NEBL: variants seen among roughly 807,000 people sequenced by gnomAD.
The protein encoded by NEBL is nebulette.
Under a neutral mutation model 140.2 loss-of-function variants are expected in NEBL, and 122 were observed. That is an observed-to-expected ratio of 0.87 (90% CI 0.75 to 1.01). The LOEUF (loss-of-function observed/expected upper bound fraction) is 1.01, where lower values mean the gene tolerates loss of function less well. Ranked by LOEUF, NEBL falls within the 50% of genes least tolerant of loss-of-function variation. The pLI, the probability that NEBL is intolerant of heterozygous loss-of-function variation, is 0.00. For missense variants in NEBL, 1,365 were observed against 1,231.3 expected (o/e 1.11, Z -1.62); for synonymous variants, 436 against 398.9 (o/e 1.09, Z -1.11).
At chr10:21,018,796 G>C (rs1391356760) in intron 3 of NEBL, among the ~76,000 whole-genome samples, 1 of 152,172 alleles carries the variant, frequency 6.6e-6, no homozygotes, top group South Asian at 2.1e-4. Flanking sequence ...TTGGGAGGCC[G>C]AGGCAGGTGG....
intron 1 of NEBL, among the ~76,000 whole-genome samples, chr10:21,259,665 G>T (rs1018047028): frequency 6.6e-6 from 1 of 152,152 alleles, no homozygotes. Context: ...TTGTGTTTGG[G>T]GTGGATTGGC....
In NEBL at chr10:20,967,430, C is replaced by A. The variant is rs182684818; in HGVS notation, c.250-5651G>T. Reference sequence around the variant, plus strand: ...ATCACTTGAGGTCAGGAGTTTGAGACCAGCCTGGCCAACATGGCCAAACCC... The same window carrying A: ...ATCACTTGAGGTCAGGAGTTTGAGAACAGCCTGGCCAACATGGCCAAACCC... On this transcript the variant is annotated intron_variant, in intron 3 of 6. Coordinates refer to the NEBL transcript ENST00000417816. Among the ~76,000 whole-genome samples, 7 of 152,224 alleles carry A rather than the reference C, an allele frequency of 4.6e-5. No homozygotes were observed. The East Asian group carries it at 5.8e-4, about 13-fold the overall frequency.
intron 7 of NEBL, among the ~76,000 whole-genome samples, chr10:20,863,056 T>C (rs962232065): frequency 2.0e-5 from 3 of 152,142 alleles, no homozygotes; most frequent in Non-Finnish European, 4.4e-5. Context: ...TAAAGAATTA[T>C]AAGAGACAGC....
chr10:21,218,601 C>G (rs1476493568), intron 3 of NEBL, among the ~76,000 whole-genome samples: 1 of 152,088 alleles, frequency 6.6e-6, no homozygotes, highest in East Asian at 1.9e-4. Flanking sequence ...TTTTCCTCTG[C>G]CCATGGAACA....
At chr10:20,932,674 T>C (rs879554120) in intron 4 of NEBL, among the ~76,000 whole-genome samples, 1 of 152,202 alleles carries the variant, frequency 6.6e-6, no homozygotes, top group Non-Finnish European at 1.5e-5. Context: ...AAAAATCATA[T>C]CACTGATTAA....
rs949009898 is a variant in NEBL at position 21,071,362 on chromosome 10, A to G, written c.165-51161T>C. 3.9e-5 allele frequency among the ~76,000 whole-genome samples: 6 copies of G among 152,128 alleles called. No individual in the cohort carries two copies. The East Asian group carries it at 9.6e-4, about 24-fold the overall frequency. Reference sequence around the variant, plus strand: ...AAATGAATTTTTTTCTAAAATTTTAATTTACACACACACTCCTTTGTCCTC... The same window carrying G: ...AAATGAATTTTTTTCTAAAATTTTAGTTTACACACACACTCCTTTGTCCTC... On this transcript the variant is annotated intron_variant, in intron 2 of 6. Coordinates refer to the NEBL transcript ENST00000417816.
chr10:21,034,607 T>C (rs554280196), intron 2 of NEBL, among the ~76,000 whole-genome samples: 18 of 152,210 alleles, frequency 1.2e-4, no homozygotes, highest in Non-Finnish European at 2.6e-4. Context: ...GACTAATATC[T>C]ATGTAATCAT....
At chr10:20,962,970 A>T (rs906211599) in intron 3 of NEBL, among the ~76,000 whole-genome samples, 1 of 150,814 alleles carries the variant, frequency 6.6e-6, no homozygotes, top group East Asian at 2.0e-4. Flanking sequence ...GGATACGACA[A>T]GATTTTCTTT....
At chr10:21,161,131 T>C (rs968958177) in intron 2 of NEBL, among the ~76,000 whole-genome samples, 2 of 152,224 alleles carry the variant, frequency 1.3e-5, no homozygotes, top group African/African-American at 4.8e-5. Flanking sequence ...CAGCAACATC[T>C]AGGATCGCCA....
chr10:21,040,388 G>A (rs574080309), intron 2 of NEBL, among the ~76,000 whole-genome samples: 28 of 152,270 alleles, frequency 1.8e-4, no homozygotes, highest in Non-Finnish European at 3.5e-4. Flanking sequence ...TCTGCAAACT[G>A]CACAGGGTGC....
intron 2 of NEBL, 109 bp downstream of exon 2, chr10:20,896,849 G>A (rs1485551720): frequency 2.8e-5 from 27 of 948,944 alleles, no homozygotes; most frequent in South Asian, 1.8e-4. Context: ...GAAAGTGACT[G>A]TGTTTTAAAA....
rs113675693 is a variant in NEBL at position 21,182,200 on chromosome 10, G to C, written n.349-9723C>G. ...AAAAATTCATTTTAGGGTTGGGCAC[G>C]GTGGCTCACACCTGTAATCCCAGCA... On this transcript the variant is annotated intron_variant and non_coding_transcript_variant, in intron 3 of 8. Coordinates refer to the NEBL transcript ENST00000675702. Among the ~76,000 whole-genome samples, 306 of 151,148 alleles carry C rather than the reference G, an allele frequency of 2.0e-3. 1 individual carries two copies. Among genetic ancestry groups the C allele is most frequent in the African/African-American group, 7.0e-3 (287 of 41,172 alleles).
chr10:20,957,581 T>C (rs1435951314), intron 4 of NEBL, among the ~76,000 whole-genome samples: 1 of 152,010 alleles, frequency 6.6e-6, no homozygotes, highest in African/African-American at 2.4e-5. Context: ...TCTATACTGA[T>C]CTAGGAAAAT....
intron 1 of NEBL, among the ~76,000 whole-genome samples, chr10:21,292,087 T>C (rs1843152300): frequency 6.6e-6 from 1 of 152,166 alleles, no homozygotes; most frequent in Non-Finnish European, 1.5e-5. Flanking sequence ...GACCAAAACA[T>C]CTGATTTTCA....
At chr10:21,283,004 C>T (rs1843011424) in intron 1 of NEBL, among the ~76,000 whole-genome samples, 1 of 151,976 alleles carries the variant, frequency 6.6e-6, no homozygotes, top group Non-Finnish European at 1.5e-5. Context: ...GGCATGGTGG[C>T]ATGCACCTGT....
chr10:21,084,138 G>T (rs1363199652), intron 2 of NEBL, among the ~76,000 whole-genome samples: 1 of 152,186 alleles, frequency 6.6e-6, no homozygotes, highest in East Asian at 1.9e-4. Context: ...TCCCAGATTG[G>T]GTATTAAATT....
At chr10:21,030,106 C>T (rs1284186174) in intron 2 of NEBL, 2 of 474,422 alleles carry the variant, frequency 4.2e-6, no homozygotes, top group Non-Finnish European at 8.1e-6. Flanking sequence ...GGGCAAAGCC[C>T]GTTGATAGAG....
rs1003569584 is a variant in NEBL, at chr10:21,115,712, C to G, written c.164+56671G>C. On this transcript the variant is annotated intron_variant, in intron 2 of 6. Coordinates refer to the NEBL transcript ENST00000417816. ...TTTTTTCACTTTCTTCTAACTGGAG[C>G]TTATTGAAATTTTGGGTCTGTGGGA... Among the ~76,000 whole-genome samples, 16 of 151,900 alleles carry G rather than the reference C, an allele frequency of 1.1e-4. 1 individual carries two copies. Among genetic ancestry groups the G allele is most frequent in the African/African-American group, 3.9e-4 (16 of 41,360 alleles).
intron 4 of NEBL, among the ~76,000 whole-genome samples, chr10:20,959,912 A>T (rs1297286851): frequency 1.9e-4 from 29 of 152,106 alleles, no homozygotes; most frequent in Admixed American, 1.9e-3. Context: ...ATAAATATAG[A>T]TTAATACATA....
Sources: gnomAD v4.1 joint callset for allele counts (sites outside exome capture counted in the v4.1 genomes callset) on GRCh38, gnomAD v4.1.1 for gene constraint, MANE v1.5 for transcripts, NCBI Gene and HGNC (gene_info 2026-07-23, HGNC 2026-07-21) for gene names.